Variants in DNAH11 observed in about 807,000 individuals in gnomAD.
DNAH11 encodes dynein axonemal heavy chain 11, also known as axonemal beta dynein heavy chain 11.
DNAH11 carries 442 observed loss-of-function variants against 526.0 expected under a neutral mutation model. That is an observed-to-expected ratio of 0.84 (90% CI 0.78 to 0.91). The LOEUF (loss-of-function observed/expected upper bound fraction) is 0.91, where lower values mean the gene tolerates loss of function less well. DNAH11 is among the 40% of genes least tolerant of loss of function. The pLI, the probability that DNAH11 is intolerant of heterozygous loss-of-function variation, is 0.00. For synonymous variants in DNAH11, 2,461 were observed against 1,935.9 expected, an observed-to-expected ratio of 1.27 and a Z score of -7.12; for missense variants, 6,989 against 5,448.7, an observed-to-expected ratio of 1.28 and a Z score of -8.90.
chr7:21,560,987 A>G (rs1783435218), intron 4 of DNAH11, 84 bp from the exon 5 acceptor site: 2 of 952,628 alleles, frequency 2.1e-6, no homozygotes, highest in East Asian at 2.6e-5. Flanking sequence ...GTGAAATGGA[A>G]TTTAAATATT....
intron 42 of DNAH11, among the ~76,000 whole-genome samples, chr7:21,713,189 G>A (rs956417180): frequency 6.6e-6 from 1 of 152,174 alleles, no homozygotes; most frequent in Non-Finnish European, 1.5e-5. Context: ...AGCTCTGCCA[G>A]TGAACCCATG....
chr7:21,701,306 T>G (rs1784047768), intron 36 of DNAH11, among the ~76,000 whole-genome samples: 1 of 147,802 alleles, frequency 6.8e-6, no homozygotes, highest in Non-Finnish European at 1.5e-5. Context: ...TTTTTTTTTT[T>G]TGAGACAGTG....
chr7:21,545,230 A>G (rs1782761192), intron 2 of DNAH11, 81 bp downstream of exon 2: 1 of 1,217,154 alleles, frequency 8.2e-7, no homozygotes, highest in African/African-American at 1.6e-5. Context: ...CCGATAATTA[A>G]AAAAAGAAGA....
intron 66 of DNAH11, among the ~76,000 whole-genome samples, chr7:21,850,575 A>C (rs1257431370): frequency 1.5e-5 from 2 of 135,236 alleles, no homozygotes; most frequent in East Asian, 2.3e-4. Flanking sequence ...GCCACATCTG[A>C]GTCTTGTCCT....
In DNAH11 at chr7:21,873,273, G is replaced by C. The variant is rs1783569129; in HGVS notation, c.11968-1G>C. ...GAATTATGCACCATGCTATCTTTCA[G>C]AATGTTCATTTGGTAGCCAAGTGGC... On this transcript the variant is annotated splice_acceptor_variant, in intron 73 of 81. Transcript: ENST00000409508. LOFTEE classifies it high-confidence loss of function. The C allele has an allele frequency of 6.3e-7, 1 of 1,579,372 alleles. No homozygotes were observed. The highest frequency in any genetic ancestry group is 8.6e-7 in the Non-Finnish European group (1 of 1,161,080).
In DNAH11 at chr7:21,601,566, T is replaced by G; in HGVS notation, c.3596T>G (p.Leu1199Arg). 1 of 1,609,162 alleles carries G rather than the reference T, an allele frequency of 6.2e-7. No individual in the cohort carries two copies. The highest frequency in any genetic ancestry group is 8.5e-7 in the Non-Finnish European group (1 of 1,176,178). ...GAACCTCTAAAAGAAACGATCACCC[T>G]CTTGGAAAGCTATGGCCAGAAGATG... ...LFEPLKETIT[L>R]LESYGQKMPE... The change falls in exon 18 of 82, where the codon CTC (leucine) becomes CGC (arginine). Residue 1199 changes from leucine (L) to arginine (R), a missense_variant. Physicochemically the swap from Leu to Arg is moderately radical, Grantham distance 102 (BLOSUM62 -2). Coordinates refer to ENST00000409508, the MANE Select transcript of DNAH11 (RefSeq NM_001277115.2).
At chr7:21,900,884 A>ACT in intron 81 of DNAH11, 123 bp from the exon 82 acceptor site, 1 of 1,458,246 alleles carries the variant, frequency 6.9e-7, no homozygotes, top group Middle Eastern at 2.4e-4. Flanking sequence ...TAAAAATACC[A>ACT]CTGACAAGCA....
Position 21,854,294 on chromosome 7 carries a change from T to C in DNAH11, c.11062-21T>C, listed in dbSNP as rs779655850. The C allele has an allele frequency of 3.7e-6, 6 of 1,611,150 alleles. No homozygotes were observed. In the East Asian group the frequency reaches 6.7e-5, roughly 18 times the overall value. On this transcript the variant is annotated intron_variant, in intron 67 of 81. Transcript: ENST00000409508. ...ATATGAAGAGTAAATAAGTTACTTA[T>C]TTTGTTTGATCCCACCATAGGTGAT...
At chr7:21,703,217 C>T (rs766077554) in intron 37 of DNAH11, among the ~76,000 whole-genome samples, 7 of 152,090 alleles carry the variant, frequency 4.6e-5, no homozygotes, top group Non-Finnish European at 1.0e-4. Flanking sequence ...CAGAATGAAA[C>T]AGGAAGGGTG....
intron 54 of DNAH11, among the ~76,000 whole-genome samples, chr7:21,752,385 A>T (rs1786451423): frequency 6.6e-6 from 1 of 152,206 alleles, no homozygotes; most frequent in South Asian, 2.1e-4. Context: ...AATATCCAGT[A>T]TGGCAGAGGT....
intron 54 of DNAH11, among the ~76,000 whole-genome samples, chr7:21,760,025 C>T (rs1241187048): frequency 1.3e-5 from 2 of 151,918 alleles, no homozygotes; most frequent in Admixed American, 6.6e-5. Flanking sequence ...CTGCCAGAGG[C>T]GTTTTTAACT....
At position 21,873,298 on chromosome 7, in the gene DNAH11, C is replaced by G; in HGVS notation, c.11992C>G (p.Leu3998Val). Residue 3998 changes from leucine to valine, a missense_variant, in exon 74 of 82, where the codon CTA (leucine) becomes GTA (valine). Leu to Val is a conservative substitution (Grantham distance 32). Coordinates refer to ENST00000409508, the MANE Select transcript of DNAH11 (RefSeq NM_001277115.2). ...LQNVHLVAKW[L>V]GTLEKLLERF... Reference sequence around the variant, plus strand: ...GAATGTTCATTTGGTAGCCAAGTGGCTAGGAACCTTGGAGAAGCTCCTTGA... The same window carrying G: ...GAATGTTCATTTGGTAGCCAAGTGGGTAGGAACCTTGGAGAAGCTCCTTGA... 6.3e-7 allele frequency: 1 copy of G among 1,599,696 alleles called. No homozygotes were observed. The highest frequency in any genetic ancestry group is 1.1e-5 in the South Asian group (1 of 88,976).
chr7:21,570,213 G>C lies in DNAH11; in HGVS notation c.1339G>C (p.Gly447Arg). 6.2e-7 allele frequency: 1 copy of C among 1,613,364 alleles called. No individual in the cohort carries two copies. The highest frequency in any genetic ancestry group is 8.5e-7 in the Non-Finnish European group (1 of 1,179,690). The change falls in exon 7 of 82, where the codon GGA becomes CGA. Residue 447 changes from glycine (G) to arginine (R), a missense_variant. Transcript: ENST00000409508. ...YRKKLASYFM[G>R]RKLRPWDFQS... ...AAAAAAATTGGCAAGCTACTTTATGGGAAGAAAGCTGAGACCATGGGATTT... is the reference window on the plus strand; with the variant it reads ...AAAAAAATTGGCAAGCTACTTTATGCGAAGAAAGCTGAGACCATGGGATTT...
At position 21,619,140 on chromosome 7, in the gene DNAH11, T is replaced by G. The variant is rs373965791; in HGVS notation, c.4295T>G (p.Leu1432Trp). 3 of 1,613,690 alleles carry G rather than the reference T, an allele frequency of 1.9e-6. No individual in the cohort carries two copies. The highest frequency in any genetic ancestry group is 1.7e-5 in the Admixed American group (1 of 59,950). ...AATGAAGCCACAACTTTGGCAGATT[T>G]GTTAGCACTGCGGTTACACAGAGTG... ...LINEATTLAD[L>W]LALRLHRVED... is the part of the protein sequence containing the mutation. Residue 1432 changes from leucine (L) to tryptophan (W), a missense_variant, in exon 24 of 82, where the codon TTG (leucine) becomes TGG (tryptophan). Coordinates refer to ENST00000409508, the MANE Select transcript of DNAH11 (RefSeq NM_001277115.2).
intron 60 of DNAH11, among the ~76,000 whole-genome samples, chr7:21,788,330 T>A (rs1788282131): frequency 6.6e-6 from 1 of 152,184 alleles, no homozygotes; most frequent in African/African-American, 2.4e-5. Flanking sequence ...TTATTTCCTT[T>A]ATACTGTGGG....
intron 6 of DNAH11, among the ~76,000 whole-genome samples, chr7:21,565,537 G>A (rs956279822): frequency 6.6e-6 from 1 of 152,208 alleles, no homozygotes; most frequent in East Asian, 1.9e-4. Context: ...AATTTTTGGA[G>A]TATGAGGTTG....
intron 34 of DNAH11, 139 bp from the exon 35 acceptor site, chr7:21,690,626 T>A: frequency 1.6e-6 from 1 of 610,200 alleles, no homozygotes; most frequent in East Asian, 3.0e-5. Flanking sequence ...AAAATATGTA[T>A]GGGCTTATGA....
At chr7:21,629,018 A>G (rs74542132) in intron 25 of DNAH11, among the ~76,000 whole-genome samples, 9,280 of 152,016 alleles carry the variant, frequency 0.061, 326 homozygotes, top group African/African-American at 0.08. Flanking sequence ...AAGGCCTTCT[A>G]CTTTTTTGAT....
At chr7:21,683,200 A>G (rs1414327284) in intron 31 of DNAH11, among the ~76,000 whole-genome samples, 3 of 147,952 alleles carry the variant, frequency 2.0e-5, no homozygotes, top group African/African-American at 7.8e-5. Context: ...AGTTCAACTG[A>G]TTCTCAAGAA....
Sources: gnomAD v4.1 joint callset for allele counts (sites outside exome capture counted in the v4.1 genomes callset) on GRCh38, gnomAD v4.1.1 for gene constraint, MANE v1.5 for transcripts, NCBI Gene and HGNC (gene_info 2026-07-23, HGNC 2026-07-21) for gene names.